KCNN2: variants seen among roughly 807,000 people sequenced by gnomAD.
KCNN2 encodes small conductance calcium-activated potassium channel protein 2.
KCNN2 carries 24 observed loss-of-function variants against 55.5 expected under a neutral mutation model. That is an observed-to-expected ratio of 0.43 (90% CI 0.31 to 0.61). The LOEUF is 0.61. KCNN2 is among the 20% of genes least tolerant of loss of function. The pLI, the probability that KCNN2 is intolerant of heterozygous loss-of-function variation, is 0.08. For missense variants in KCNN2, 754 were observed against 853.6 expected (o/e 0.88, Z 1.45); for synonymous variants, 431 against 336.1 (o/e 1.28, Z -3.09).
intron 1 of KCNN2, among the ~76,000 whole-genome samples, chr5:114,179,764 C>G (rs1274328698): frequency 6.6e-6 from 1 of 152,096 alleles, no homozygotes; most frequent in South Asian, 2.1e-4. Context: ...TAAAATAAGA[C>G]TCAGCCATAT....
intron 2 of KCNN2, among the ~76,000 whole-genome samples, chr5:114,302,887 G>T (rs1336103270): frequency 1.3e-5 from 2 of 152,200 alleles, no homozygotes; most frequent in Admixed American, 1.3e-4. Flanking sequence ...ACTTAGGAGA[G>T]AGATAACACA....
rs971290603 is a variant in KCNN2 at position 114,362,429 on chromosome 5, G to A, written c.290G>A (p.Gly97Asp). The change falls in exon 1 of 8, where the codon GGC (glycine) becomes GAC (aspartate). Residue 97 changes from glycine (G) to aspartate (D), a missense_variant. Gly to Asp is a moderately conservative substitution (Grantham distance 94). Around this residue, in one of 4 missense-constraint regions of KCNN2, gnomAD observed 381 missense variants for 259.1 expected, o/e 1.47. Coordinates refer to ENST00000673685, the MANE Select transcript of KCNN2 (RefSeq NM_021614.4). ...CTGCTCCGCACCTCCTCGCCCGGCG[G>A]CGCCTTCCGGACCCGCACCTCCTCG... is the stretch of plus-strand genomic sequence containing the variant. ...SLLLRTSSPGGAFRTRTSSPL... is the reference protein window; with the variant it reads ...SLLLRTSSPGDAFRTRTSSPL... 8.5e-6 allele frequency: 3 copies of A among 351,612 alleles called. No homozygotes were observed. The highest frequency in any genetic ancestry group is 6.5e-5 in the African/African-American group (3 of 46,300). The allele number at this position is 351,612 out of a possible 1,614,324, so 21.8% of individuals were successfully genotyped here.
chr5:114,154,882 C>G (rs746664177), intron 1 of KCNN2, among the ~76,000 whole-genome samples: 2 of 151,848 alleles, frequency 1.3e-5, no homozygotes, highest in African/African-American at 4.8e-5. Context: ...AGGGAACATT[C>G]TTTTTTTTAA....
At chr5:114,222,417 T>C (rs1486938065) in intron 2 of KCNN2, among the ~76,000 whole-genome samples, 1 of 152,216 alleles carries the variant, frequency 6.6e-6, no homozygotes, top group African/African-American at 2.4e-5. Context: ...ATCAAAAAAT[T>C]GAACTAAGTA....
At chr5:114,463,028 G>C (rs1761280120) in intron 3 of KCNN2, 21 bp from the exon 4 acceptor site, 1 of 1,608,566 alleles carries the variant, frequency 6.2e-7, no homozygotes, top group African/African-American at 1.3e-5. Context: ...TAAAGGACTG[G>C]TTTTGTTTGC....
At chr5:114,373,578 A>G (rs1757828802) in intron 2 of KCNN2, among the ~76,000 whole-genome samples, 3 of 138,078 alleles carry the variant, frequency 2.2e-5, no homozygotes, top group Non-Finnish European at 4.7e-5. Flanking sequence ...CTGAACTTCA[A>G]TTTTCTTGTC....
intron 2 of KCNN2, among the ~76,000 whole-genome samples, chr5:114,302,411 T>G (rs1191763121): frequency 6.6e-6 from 1 of 152,030 alleles, no homozygotes; most frequent in Non-Finnish European, 1.5e-5. Flanking sequence ...AGACAAAATA[T>G]AAAGGCACAA....
At chr5:114,308,716 A>G (rs1420033382) in intron 2 of KCNN2, among the ~76,000 whole-genome samples, 1 of 152,162 alleles carries the variant, frequency 6.6e-6, no homozygotes, top group East Asian at 1.9e-4. Context: ...GTGTTGCATA[A>G]TAGTTGTGCA....
At chr5:114,396,485 G>T (rs1758621206) in intron 2 of KCNN2, among the ~76,000 whole-genome samples, 1 of 151,730 alleles carries the variant, frequency 6.6e-6, no homozygotes, top group Non-Finnish European at 1.5e-5. Context: ...GATAAATTGT[G>T]TGTCGGGGGG....
In KCNN2 at chr5:114,069,327, G is replaced by GA. The variant is rs1164519260; in HGVS notation, c.-271+12835dup. Among the ~76,000 whole-genome samples, 6 of 148,120 alleles carry GA rather than the reference G, an allele frequency of 4.1e-5. No individual in the cohort carries two copies. In the East Asian group the frequency reaches 8.0e-4, roughly 20 times the overall value. Reference sequence around the variant, plus strand: ...TTATGTTCACTACCACCCTCCATCAGAAAAAAAATAGCATGCATCCTTTTG... The same window carrying GA: ...TTATGTTCACTACCACCCTCCATCAGAAAAAAAAATAGCATGCATCCTTTTG... On this transcript the variant is annotated intron_variant, in intron 1 of 10. Transcript: ENST00000512097.
intron 1 of KCNN2, among the ~76,000 whole-genome samples, chr5:114,075,229 G>A (rs372315071): frequency 6.6e-6 from 1 of 152,204 alleles, no homozygotes; most frequent in Non-Finnish European, 1.5e-5. Context: ...TCTTTAAGGT[G>A]TCATTGAGTG....
At chr5:114,379,067 C>A (rs1396997446) in intron 2 of KCNN2, among the ~76,000 whole-genome samples, 1 of 152,064 alleles carries the variant, frequency 6.6e-6, no homozygotes, top group Admixed American at 6.6e-5. Flanking sequence ...CCTTAGAAGC[C>A]CCTCAGGGCC....
chr5:114,275,167 C>T (rs796318074), intron 2 of KCNN2, among the ~76,000 whole-genome samples: 1 of 152,160 alleles, frequency 6.6e-6, no homozygotes, highest in Non-Finnish European at 1.5e-5. Context: ...ACCAGCCTTG[C>T]ATCCCAGGGA....
At chr5:114,468,233 A>G (rs978135498) in intron 4 of KCNN2, among the ~76,000 whole-genome samples, 2 of 152,182 alleles carry the variant, frequency 1.3e-5, no homozygotes, top group African/African-American at 4.8e-5. Context: ...TAAAACTCCA[A>G]TGGGATATAA....
intron 3 of KCNN2, among the ~76,000 whole-genome samples, chr5:114,416,613 A>G (rs1400840183): frequency 1.3e-5 from 2 of 152,146 alleles, no homozygotes; most frequent in Admixed American, 1.3e-4. Flanking sequence ...GGAGCAAAAG[A>G]TGTTTGAGTG....
intron 2 of KCNN2, among the ~76,000 whole-genome samples, chr5:114,269,744 G>C (rs1179808385): frequency 6.6e-6 from 1 of 152,144 alleles, no homozygotes; most frequent in Non-Finnish European, 1.5e-5. Context: ...ACCAGATGCT[G>C]AAATAGAGAC....
rs899949928 is a variant in KCNN2, at chr5:114,084,600, T to C, written c.-271+28100T>C. ...TTGTCAGATATATTTGTAAATATTT[T>C]TCCCAATGTCACCTGTCTTTTAGTA... On this transcript the variant is annotated intron_variant, in intron 1 of 10. Coordinates refer to the KCNN2 transcript ENST00000512097. 2.0e-5 allele frequency among the ~76,000 whole-genome samples: 3 copies of C among 152,166 alleles called. No individual in the cohort carries two copies. In the East Asian group the frequency reaches 5.8e-4, roughly 29 times the overall value.
intron 2 of KCNN2, among the ~76,000 whole-genome samples, chr5:114,331,379 G>T (rs1756819118): frequency 6.6e-6 from 1 of 152,156 alleles, no homozygotes; most frequent in Non-Finnish European, 1.5e-5. Context: ...AGGCAATGTG[G>T]CTTGGGGTAA....
chr5:114,398,645 G>A (rs1247890375), intron 2 of KCNN2, among the ~76,000 whole-genome samples: 1 of 152,032 alleles, frequency 6.6e-6, no homozygotes, highest in Non-Finnish European at 1.5e-5. Flanking sequence ...GGGCAGTATG[G>A]CCATTTTAAC....
Sources: allele counts gnomAD v4.1 joint callset (sites outside exome capture counted in the v4.1 genomes callset), GRCh38; gene constraint gnomAD v4.1.1; regional missense constraint gnomAD v4.1.1; transcripts MANE v1.5; gene names NCBI Gene and HGNC (gene_info 2026-07-23, HGNC 2026-07-21).